FSTL5: variants seen among roughly 807,000 people sequenced by gnomAD.
FSTL5 encodes follistatin like 5.
FSTL5 carries 62 observed loss-of-function variants against 89.1 expected under a neutral mutation model. That is an observed-to-expected ratio of 0.70 (90% confidence interval 0.57 to 0.86). FSTL5 has a LOEUF of 0.86. Ranked by LOEUF, FSTL5 falls within the 40% of genes least tolerant of loss-of-function variation. The probability of loss-of-function intolerance (pLI) is 0.00; values close to 1 mark genes in which losing one functional copy is unlikely to be tolerated. For synonymous variants in FSTL5, 383 were observed against 346.2 expected, an observed-to-expected ratio of 1.11 and a Z score of -1.18; for missense variants, 1,057 against 1,001.6, an observed-to-expected ratio of 1.06 and a Z score of -0.75.
intron 6 of FSTL5, among the ~76,000 whole-genome samples, chr4:161,682,277 C>T (rs977785163): frequency 1.3e-5 from 2 of 152,100 alleles, no homozygotes; most frequent in African/African-American, 4.8e-5. Context: ...GATTTTATAA[C>T]CGCTGTATAC....
intron 8 of FSTL5, among the ~76,000 whole-genome samples, chr4:161,567,302 C>T (rs562057912): frequency 1.1e-3 from 167 of 152,064 alleles, no homozygotes; most frequent in African/African-American, 3.1e-3. Flanking sequence ...ATTTTTAAAA[C>T]ATATGGATTA....
At chr4:161,526,308 T>A (rs960932590) in intron 10 of FSTL5, among the ~76,000 whole-genome samples, 1 of 152,262 alleles carries the variant, frequency 6.6e-6, no homozygotes, top group Non-Finnish European at 1.5e-5. Context: ...AAAGTAGAAA[T>A]ATTTTATTCA....
At chr4:161,798,469 T>A (rs1263674601) in intron 4 of FSTL5, among the ~76,000 whole-genome samples, 4 of 140,856 alleles carry the variant, frequency 2.8e-5, no homozygotes, top group African/African-American at 1.2e-4. Flanking sequence ...ATGCCCATTG[T>A]AATACTTTTT....
At chr4:161,538,650 AAATCTAATAATAGC>A (rs775045173) in intron 9 of FSTL5, among the ~76,000 whole-genome samples, 4 of 152,170 alleles carry the variant, frequency 2.6e-5, no homozygotes, top group Non-Finnish European at 5.9e-5. Flanking sequence ...GATTTTTCAG[AAATCTAATAATAGC>A]AATATGATTA....
At chr4:161,506,788 A>G (rs578156711) in intron 11 of FSTL5, among the ~76,000 whole-genome samples, 27 of 152,190 alleles carry the variant, frequency 1.8e-4, no homozygotes, top group Admixed American at 4.6e-4. Context: ...GAAACTAATC[A>G]TGAAGTGTAA....
At chr4:161,846,095 TTG>T (rs150894352) in intron 4 of FSTL5, among the ~76,000 whole-genome samples, 2 of 151,318 alleles carry the variant, frequency 1.3e-5, no homozygotes, top group Non-Finnish European at 1.5e-5. Flanking sequence ...GTGTGTGTGT[TTG>T]TGTGTGTGTG....
At chr4:162,054,639 T>C (rs1229327001) in intron 2 of FSTL5, among the ~76,000 whole-genome samples, 1 of 151,902 alleles carries the variant, frequency 6.6e-6, no homozygotes, top group African/African-American at 2.4e-5. Flanking sequence ...TCACTCTCTT[T>C]TCTTAGAGCA....
chr4:161,820,916 T>G (rs937148555), intron 4 of FSTL5, among the ~76,000 whole-genome samples: 18 of 148,990 alleles, frequency 1.2e-4, no homozygotes, highest in Middle Eastern at 3.4e-3. Flanking sequence ...TCAAAAATTC[T>G]TAATCAGATT....
chr4:161,609,932 A>C (rs1464833948), intron 7 of FSTL5, among the ~76,000 whole-genome samples: 1 of 152,152 alleles, frequency 6.6e-6, no homozygotes, highest in Non-Finnish European at 1.5e-5. Flanking sequence ...TGCTCACCAG[A>C]CATGCAAAAA....
chr4:161,403,739 C>T (rs1384017700), intron 15 of FSTL5, among the ~76,000 whole-genome samples: 1 of 152,130 alleles, frequency 6.6e-6, no homozygotes, highest in Non-Finnish European at 1.5e-5. Flanking sequence ...ACTACTCATT[C>T]CATTTTAAAA....
At chr4:161,829,349 AT>A (rs906300387) in intron 4 of FSTL5, among the ~76,000 whole-genome samples, 1 of 151,478 alleles carries the variant, frequency 6.6e-6, no homozygotes, top group Non-Finnish European at 1.5e-5. Context: ...AAGAAAAAAA[AT>A]GAAGTAATTT....
At chr4:161,676,291 G>T (rs1315052879) in intron 6 of FSTL5, among the ~76,000 whole-genome samples, 1 of 151,944 alleles carries the variant, frequency 6.6e-6, no homozygotes, top group Non-Finnish European at 1.5e-5. Context: ...GAGAAAATGT[G>T]GCACATATAC....
At chr4:162,033,738 A>T (rs2111198074) in intron 2 of FSTL5, 80 bp from the exon 3 acceptor site, 1 of 741,772 alleles carries the variant, frequency 1.3e-6, no homozygotes, top group Non-Finnish European at 2.2e-6. Context: ...TCACTATAGA[A>T]GTATCAAAAT....
intron 15 of FSTL5, among the ~76,000 whole-genome samples, chr4:161,423,786 T>C (rs1249749517): frequency 6.6e-6 from 1 of 152,052 alleles, no homozygotes; most frequent in Non-Finnish European, 1.5e-5. Context: ...CAAAGCCAAC[T>C]TGAAAGTGGT....
chr4:161,797,381 T>G (rs1729664337), intron 4 of FSTL5, among the ~76,000 whole-genome samples: 1 of 151,782 alleles, frequency 6.6e-6, no homozygotes, highest in South Asian at 2.1e-4. Flanking sequence ...ACAATTACAG[T>G]AAATTAGGAA....
intron 6 of FSTL5, among the ~76,000 whole-genome samples, chr4:161,718,140 C>T (rs1438495958): frequency 6.6e-6 from 1 of 151,990 alleles, no homozygotes; most frequent in Non-Finnish European, 1.5e-5. Context: ...TTTTAAAGTG[C>T]TTTTCTTTAC....
chr4:161,776,109 T>C, intron 4 of FSTL5, 35 bp from the exon 5 acceptor site: 1 of 1,069,250 alleles, frequency 9.4e-7, no homozygotes, highest in East Asian at 2.8e-5. Context: ...TCAAGCAATA[T>C]TATTGAAAAG....
intron 15 of FSTL5, among the ~76,000 whole-genome samples, chr4:161,445,123 C>A (rs1305172466): frequency 6.6e-6 from 1 of 151,930 alleles, no homozygotes; most frequent in African/African-American, 2.4e-5. Flanking sequence ...TAAATTCAGA[C>A]TTTAAAATCG....
chr4:162,121,576 G>A (rs900963874), intron 1 of FSTL5, among the ~76,000 whole-genome samples: 16 of 151,950 alleles, frequency 1.1e-4, no homozygotes, highest in African/African-American at 3.1e-4. Flanking sequence ...TGCTGAAAGC[G>A]GAGGTCTGTA....
Sources: gnomAD v4.1 joint callset for allele counts (sites outside exome capture counted in the v4.1 genomes callset) on GRCh38, gnomAD v4.1.1 for gene constraint, MANE v1.5 for transcripts, NCBI Gene and HGNC (gene_info 2026-07-23, HGNC 2026-07-21) for gene names.